The following GRID2IP variants were observed in gnomAD, a reference collection of about 807,000 sequenced individuals.
GRID2IP encodes the protein Grid2 interacting protein.
GRID2IP carries 78 observed loss-of-function variants against 114.3 expected under a neutral mutation model. The ratio of observed to expected loss-of-function variants is 0.68; its 90% CI spans 0.57 to 0.82. GRID2IP has a LOEUF of 0.82. Ranked by LOEUF, GRID2IP falls within the 40% of genes least tolerant of loss-of-function variation. GRID2IP has a pLI of 0.00. For missense variants in GRID2IP, 1,727 were observed against 1,678.5 expected, an observed-to-expected ratio of 1.03 and a Z score of -0.51; for synonymous variants, 809 against 724.0, an observed-to-expected ratio of 1.12 and a Z score of -1.89.
intron 15 of GRID2IP, among the ~76,000 whole-genome samples, chr7:6,503,894 G>C (rs1227440934): frequency 6.6e-6 from 1 of 151,510 alleles, no homozygotes. Context: ...GGAGAGGACG[G>C]CGCTTCAATA....
chr7:6,497,600 A>C lies in GRID2IP; in HGVS notation c.*174T>G. On this transcript the variant is annotated 3_prime_UTR_variant, in exon 22 of 22. Transcript: ENST00000457091. ...TGGCTCTGGGCCTGGGGGTAGGAAC[A>C]AGGGCTGGCAGAGGAGGGCCCGACC... The C allele has an allele frequency of 1.8e-6, 1 of 552,234 alleles. No homozygotes were observed. The highest frequency in any genetic ancestry group is 3.1e-5 in the East Asian group (1 of 31,788). The allele number at this position is 552,234 out of a possible 1,614,324, so 34.2% of individuals were successfully genotyped here.
rs1302260341 is a variant in GRID2IP, at chr7:6,520,810, G to A, written c.1085-49C>T. ...GGCATGAGTGACTCAGAGTCCCCAGGCCAGGTGTAGTCTCCCTGGCTTTTG... is the reference window on the plus strand; with the variant it reads ...GGCATGAGTGACTCAGAGTCCCCAGACCAGGTGTAGTCTCCCTGGCTTTTG... On this transcript the variant is annotated intron_variant, in intron 6 of 21. Transcript: ENST00000457091. This position sits in a 1 kb window ranked among gnomAD's most constrained non-coding sequence, Gnocchi z 4.6. 4.0e-6 allele frequency: 6 copies of A among 1,506,428 alleles called. No homozygotes were observed. In the Admixed American group the frequency reaches 1.0e-4, roughly 25 times the overall value. The allele number at this position is 1,506,428 out of a possible 1,614,324, so 93.3% of individuals were successfully genotyped here.
At position 6,527,148 on chromosome 7, in the gene GRID2IP, A is replaced by T. The variant is rs10247296; in HGVS notation, c.585-379T>A. On this transcript the variant is annotated intron_variant, in intron 2 of 21. Transcript: ENST00000457091. ...CGCCAGGCCAAGCCCTGAGCCAGGG[A>T]TCCCCACCACCCACTGTCTCCCACC... Among the ~76,000 whole-genome samples the T allele has an allele frequency of 4.6e-3, 705 of 151,806 alleles. 3 individuals carry two copies. Among genetic ancestry groups the T allele is most frequent in the African/African-American group, 0.016 (667 of 41,372 alleles).
chr7:6,514,453 A>G lies in GRID2IP; in HGVS notation c.1345T>C (p.Tyr449His), dbSNP rs1230748867. The change falls in exon 8 of 22, where the codon TAC (tyrosine) becomes CAC (histidine). Residue 449 changes from tyrosine (Y) to histidine (H), a missense_variant. Transcript: ENST00000457091. ...TGCTCCTCATAGGTCAGCAGCTGGT[A>G]GATGAACTGCCACAGGACCTGCTTG... ...PAKQVLWQFI[Y>H]QLLTYEEQEL... 1 of 1,550,246 alleles carries G rather than the reference A, an allele frequency of 6.5e-7. No homozygotes were observed. The highest frequency in any genetic ancestry group is 8.7e-7 in the Non-Finnish European group (1 of 1,146,344).
intron 1 of GRID2IP, 89 bp from the exon 2 acceptor site, chr7:6,539,961 T>A: frequency 8.0e-7 from 1 of 1,249,056 alleles, no homozygotes; most frequent in Non-Finnish European, 1.1e-6. Flanking sequence ...TCCCTCAGTT[T>A]ACCTACACGG....
intron 20 of GRID2IP, among the ~76,000 whole-genome samples, chr7:6,500,604 T>C (rs1166468138): frequency 6.6e-6 from 1 of 152,010 alleles, no homozygotes; most frequent in Non-Finnish European, 1.5e-5. Context: ...TGACATCAAA[T>C]TCCTACTCAG....
At chr7:6,531,052 G>A in intron 2 of GRID2IP, 2 of 644,206 alleles carry the variant, frequency 3.1e-6, no homozygotes, top group Non-Finnish European at 5.6e-6. Context: ...GGCGCGGGAC[G>A]CGATGGGGAA....
In GRID2IP at chr7:6,539,752, G is replaced by C. The variant is rs199716067; in HGVS notation, c.550C>G (p.Arg184Gly). ...LVWTLTLALPREACGPLLDNL... is the reference protein window; with the variant it reads ...LVWTLTLALPGEACGPLLDNL... ...TCCAGGAGTGGCCCGCAGGCCTCTC[G>C]GGGCAGCGCCAGGGTGAGAGTCCAC... The change falls in exon 2 of 22, where the codon CGA becomes GGA. Residue 184 changes from arginine (R) to glycine (G), a missense_variant. Arg to Gly is a moderately radical substitution (Grantham distance 125). Coordinates refer to ENST00000457091, the MANE Select transcript of GRID2IP (RefSeq NM_001145118.2). 3 of 1,549,558 alleles carry C rather than the reference G, an allele frequency of 1.9e-6. No individual in the cohort carries two copies. Among genetic ancestry groups the C allele is most frequent in the East Asian group, 4.9e-5 (2 of 40,884 alleles).
In GRID2IP at chr7:6,526,269, T is replaced by C. The variant is rs537898059; in HGVS notation, c.874A>G (p.Thr292Ala). The C allele has an allele frequency of 6.4e-7, 1 of 1,551,912 alleles. No homozygotes were observed. Among genetic ancestry groups the C allele is most frequent in the Non-Finnish European group, 8.7e-7 (1 of 1,147,016 alleles). The change falls in exon 4 of 22, where the codon ACA becomes GCA. Residue 292 changes from threonine to alanine, a missense_variant. Physicochemically the swap from Thr to Ala is moderately conservative, Grantham distance 58. Coordinates refer to ENST00000457091, the MANE Select transcript of GRID2IP (RefSeq NM_001145118.2). This position sits in a 1 kb window ranked among gnomAD's most constrained non-coding sequence, Gnocchi z 7.6. The part of the protein sequence containing the change: ...VYKGNKSFGF[T>A]LRGHGPVWIE... Reference sequence around the variant, plus strand: ...CAGACAGGCCCGTGGCCGCGAAGTGTGAAGCCGAAGCTCTTGTTGCCTTTG... The same window carrying C: ...CAGACAGGCCCGTGGCCGCGAAGTGCGAAGCCGAAGCTCTTGTTGCCTTTG...
At position 6,523,804 on chromosome 7, in the gene GRID2IP, G is replaced by A. The variant is rs571637730; in HGVS notation, c.920-1847C>T. Among the ~76,000 whole-genome samples the A allele has an allele frequency of 1.3e-5, 2 of 152,238 alleles. No homozygotes were observed. The highest frequency in any genetic ancestry group is 4.1e-4 in the South Asian group (2 of 4,822). On this transcript the variant is annotated intron_variant, in intron 4 of 21. Coordinates refer to ENST00000457091, the MANE Select transcript of GRID2IP (RefSeq NM_001145118.2). The surrounding 1 kb of genome is among the most constrained non-coding windows in gnomAD (Gnocchi z 4.5). ...CTCCCAAAGTGCTGGGATTACAAGT[G>A]TGAGCCACTGCACCCAGCCACACCT...
intron 1 of GRID2IP, among the ~76,000 whole-genome samples, chr7:6,545,783 C>A (rs1365424614): frequency 1.3e-5 from 2 of 152,186 alleles, no homozygotes; most frequent in Admixed American, 6.5e-5. Flanking sequence ...GCACTTCCTG[C>A]AGGCCCCAGC....
chr7:6,498,332 T>A (rs1300329037), intron 20 of GRID2IP, 104 bp from the exon 21 acceptor site: 7 of 1,142,018 alleles, frequency 6.1e-6, no homozygotes, highest in Non-Finnish European at 8.5e-6. Context: ...CCGGTTGGCC[T>A]GAGTCCTTCC....
intron 15 of GRID2IP, 125 bp from the exon 16 acceptor site, chr7:6,503,812 G>A (rs887334872): frequency 3.1e-6 from 2 of 641,884 alleles, no homozygotes; most frequent in Middle Eastern, 4.4e-4. Flanking sequence ...GGGAGAGGAC[G>A]GGGCCTTGAG....
In GRID2IP at chr7:6,507,725, G is replaced by A. The variant is rs1786635688; in HGVS notation, c.2544+260C>T. ...TAAGAGAACTTGTCTGGCCTCAAAA[G>A]TGATAGGTTTCAAGGATGGGTAGGG... On this transcript the variant is annotated intron_variant, in intron 13 of 21. Coordinates refer to ENST00000457091, the MANE Select transcript of GRID2IP (RefSeq NM_001145118.2). The surrounding 1 kb of genome is among the most constrained non-coding windows in gnomAD (Gnocchi z 5.3). 6.6e-6 allele frequency among the ~76,000 whole-genome samples: 1 copy of A among 152,228 alleles called. No homozygotes were observed. The highest frequency in any genetic ancestry group is 1.5e-5 in the Non-Finnish European group (1 of 68,046).
rs1004871669 is a variant in GRID2IP, at chr7:6,534,192, G to A, written c.584+5526C>T. ...GAACCTGCCTGAGATTGCACTGCCA[G>A]TGAGTGGACCTGTATTCAAGCCGGG... is the stretch of plus-strand genomic sequence containing the variant. On this transcript the variant is annotated intron_variant, in intron 2 of 21. Coordinates refer to ENST00000457091, the MANE Select transcript of GRID2IP (RefSeq NM_001145118.2). This position sits in a 1 kb window ranked among gnomAD's most constrained non-coding sequence, Gnocchi z 4.5. Among the ~76,000 whole-genome samples, 4 of 152,164 alleles carry A rather than the reference G, an allele frequency of 2.6e-5. No homozygotes were observed. The South Asian group carries it at 8.3e-4, about 31-fold the overall frequency.
intron 2 of GRID2IP, chr7:6,531,254 C>A (rs544256474): frequency 2.4e-6 from 1 of 414,362 alleles, no homozygotes; most frequent in Non-Finnish European, 4.3e-6. Context: ...CCCGCCCTGG[C>A]CCCTTTTGGT....
Position 6,510,323 on chromosome 7 carries a change from G to A in GRID2IP, c.1731C>T (p.Ser577=). Reference sequence around the variant, plus strand: ...GGCTGGGGCCTGGAGGGGAAGCCCGGGATTTGGACACGGTCCCCATCTTCC... The same window carrying A: ...GGCTGGGGCCTGGAGGGGAAGCCCGAGATTTGGACACGGTCCCCATCTTCC... ...FKGKMGTVSK[S]RASPPGPSPA... is the part of the protein sequence containing the mutation. Residue 577 remains serine, a synonymous_variant, in exon 11 of 22, where the codon TCC becomes TCT. Transcript: ENST00000457091. 6.5e-7 allele frequency: 1 copy of A among 1,547,752 alleles called. No homozygotes were observed. The highest frequency in any genetic ancestry group is 8.7e-7 in the Non-Finnish European group (1 of 1,145,418).
chr7:6,550,931 A>C (rs1314307138), intron 1 of GRID2IP, 77 bp downstream of exon 1: 11 of 1,190,856 alleles, frequency 9.2e-6, no homozygotes, highest in Non-Finnish European at 1.1e-5. Context: ...GCCCTGGGAG[A>C]GCGGCGCCCG....
Position 6,507,951 on chromosome 7 carries a change from A to G in GRID2IP, c.2544+34T>C, listed in dbSNP as rs1786642312. The G allele has an allele frequency of 6.5e-7, 1 of 1,547,566 alleles. No homozygotes were observed. The highest frequency in any genetic ancestry group is 8.7e-7 in the Non-Finnish European group (1 of 1,145,862). ...GCTGCTGCCCAAGCCATCCTCCCCC[A>G]GTACAGAGCGCTGCTGGGTCCCAGG... On this transcript the variant is annotated intron_variant, in intron 13 of 21. Transcript: ENST00000457091. The surrounding 1 kb of genome is among the most constrained non-coding windows in gnomAD (Gnocchi z 5.3).
Sources: gnomAD v4.1 joint callset for allele counts (sites outside exome capture counted in the v4.1 genomes callset) on GRCh38, gnomAD v4.1.1 for gene constraint, Gnocchi (gnomAD v3.1) non-coding constraint, MANE v1.5 for transcripts, NCBI Gene and HGNC (gene_info 2026-07-23, HGNC 2026-07-21) for gene names.